DLGAP4: variants seen among roughly 807,000 people sequenced by gnomAD.
DLGAP4 encodes the protein DLG associated protein 4.
In DLGAP4, 18 loss-of-function variants were observed where a neutral mutation model predicts 86.9. That is an observed-to-expected ratio of 0.21 (90% confidence interval 0.14 to 0.31). DLGAP4 has a LOEUF of 0.31. Among genes scored for constraint, DLGAP4 ranks in the 10% least tolerant of loss-of-function variants. The pLI, the probability that DLGAP4 is intolerant of heterozygous loss-of-function variation, is 1.00. For missense variants in DLGAP4, 1,085 were observed against 1,362.6 expected, an observed-to-expected ratio of 0.80 and a Z score of 3.21; for synonymous variants, 548 against 574.3, an observed-to-expected ratio of 0.95 and a Z score of 0.65.
At chr20:36,517,339 C>T (rs1173857561) in intron 10 of DLGAP4, among the ~76,000 whole-genome samples, 1 of 152,154 alleles carries the variant, frequency 6.6e-6, no homozygotes, top group African/African-American at 2.4e-5. Flanking sequence ...GATTGCGCCA[C>T]TGCACTCCAG....
chr20:36,405,052 G>A (rs1250845005), intron 2 of DLGAP4, among the ~76,000 whole-genome samples: 1 of 152,252 alleles, frequency 6.6e-6, no homozygotes, highest in Non-Finnish European at 1.5e-5. Flanking sequence ...CAAATAGCCA[G>A]GAGGGAGTGT....
At chr20:36,493,642 G>A (rs2035761590) in intron 7 of DLGAP4, among the ~76,000 whole-genome samples, 1 of 152,170 alleles carries the variant, frequency 6.6e-6, no homozygotes, top group Non-Finnish European at 1.5e-5. Context: ...ATGAGTGAAG[G>A]CCCCAAACAC....
At chr20:36,508,026 C>G (rs760372899) in intron 10 of DLGAP4, 8 of 152,256 alleles carry the variant, frequency 5.3e-5, no homozygotes, top group Non-Finnish European at 8.8e-5. Context: ...TGTGTTGAAC[C>G]CTGAGGCTGC....
intron 7 of DLGAP4, among the ~76,000 whole-genome samples, chr20:36,461,111 G>A (rs1428554084): frequency 6.6e-6 from 1 of 152,104 alleles, no homozygotes; most frequent in African/African-American, 2.4e-5. Flanking sequence ...GAACTGGTGG[G>A]AACTCCCGCC....
intron 1 of DLGAP4, among the ~76,000 whole-genome samples, chr20:36,355,290 C>T: frequency 6.7e-6 from 1 of 149,130 alleles, no homozygotes. Context: ...TTTTTTCTTT[C>T]TTTCTTTCTT....
chr20:36,366,229 T>G (rs1236154821), intron 1 of DLGAP4, among the ~76,000 whole-genome samples: 1 of 152,028 alleles, frequency 6.6e-6, no homozygotes, highest in Non-Finnish European at 1.5e-5. Context: ...AAGCAGCTAA[T>G]TTTGTATTTT....
Position 36,527,716 on chromosome 20 carries a change from T to C in DLGAP4, c.*685T>C. 6.5e-6 allele frequency: 1 copy of C among 152,902 alleles called. No individual in the cohort carries two copies. The highest frequency in any genetic ancestry group is 1.5e-5 in the Non-Finnish European group (1 of 68,162). The allele number at this position is 152,902 out of a possible 1,614,324, so 9.5% of individuals were successfully genotyped here. On this transcript the variant is annotated 3_prime_UTR_variant, in exon 13 of 13. Transcript: ENST00000339266. ...AGCCCTGGGCAGTGTCAGGCAGGAC[T>C]CACTCACCGCTGAGCAGATGAGGGA...
intron 7 of DLGAP4, among the ~76,000 whole-genome samples, chr20:36,493,577 T>C (rs1341363603): frequency 1.3e-5 from 2 of 152,140 alleles, no homozygotes; most frequent in Non-Finnish European, 2.9e-5. Flanking sequence ...TTTTGGTTTG[T>C]TGTGCCCCTG....
intron 11 of DLGAP4, 96 bp downstream of exon 11, chr20:36,524,437 T>G (rs2037575846): frequency 9.9e-7 from 1 of 1,008,232 alleles, no homozygotes; most frequent in Admixed American, 2.4e-5. Flanking sequence ...CCCTCCTCTG[T>G]AACACACACA....
chr20:36,461,352 C>A, intron 7 of DLGAP4: 2 of 669,372 alleles, frequency 3.0e-6, no homozygotes, highest in Non-Finnish European at 3.7e-6. Flanking sequence ...GCCAAGCGGG[C>A]TGCGCGCGCC....
intron 7 of DLGAP4, among the ~76,000 whole-genome samples, chr20:36,447,785 G>T (rs1276383640): frequency 6.7e-6 from 1 of 150,278 alleles, no homozygotes; most frequent in Non-Finnish European, 1.5e-5. Flanking sequence ...AGGGGACCCT[G>T]TATAACTGAG....
At position 36,331,265 on chromosome 20, in the gene DLGAP4, C is replaced by T. The variant is rs117410631; in HGVS notation, c.-304+24753C>T. Among the ~76,000 whole-genome samples, 769 of 152,318 alleles carry T rather than the reference C, an allele frequency of 5.0e-3. 2 individuals are homozygous for T. Among genetic ancestry groups the T allele is most frequent in the Non-Finnish European group, 7.7e-3 (526 of 68,020 alleles). On this transcript the variant is annotated intron_variant, in intron 1 of 12. Coordinates refer to ENST00000339266, the MANE Select transcript of DLGAP4 (RefSeq NM_001365621.2). ...AGGGAGGACCCATGCTGTCAGAAAA[C>T]GAGGGGAAGAGTGTGAGAGGCCAGG...
At chr20:36,315,795 A>G (rs2065093848) in intron 1 of DLGAP4, among the ~76,000 whole-genome samples, 1 of 152,094 alleles carries the variant, frequency 6.6e-6, no homozygotes, top group Non-Finnish European at 1.5e-5. Flanking sequence ...ACCACTCCCC[A>G]AGCCTTCCCG....
intron 4 of DLGAP4, 33 bp downstream of exon 4, chr20:36,436,383 C>A: frequency 6.4e-7 from 1 of 1,554,218 alleles, no homozygotes. Context: ...ACGGTCCCGC[C>A]CAGAGGCAAG....
At chr20:36,470,627 C>A (rs1421818970) in intron 7 of DLGAP4, among the ~76,000 whole-genome samples, 1 of 151,592 alleles carries the variant, frequency 6.6e-6, no homozygotes, top group Non-Finnish European at 1.5e-5. Context: ...TACCCAGACA[C>A]CTAATCACTG....
At chr20:36,468,099 AG>A (rs2034498914) in intron 7 of DLGAP4, among the ~76,000 whole-genome samples, 1 of 152,242 alleles carries the variant, frequency 6.6e-6, no homozygotes, top group African/African-American at 2.4e-5. Flanking sequence ...CCTGAAGGTC[AG>A]GGTGCCAGTT....
intron 10 of DLGAP4, among the ~76,000 whole-genome samples, chr20:36,520,660 T>C (rs1448954956): frequency 6.6e-6 from 1 of 152,120 alleles, no homozygotes; most frequent in Admixed American, 6.6e-5. Context: ...TTCTTCATAG[T>C]GTCCTTCGAT....
chr20:36,419,326 T>G (rs889789671), intron 2 of DLGAP4, among the ~76,000 whole-genome samples: 2 of 151,786 alleles, frequency 1.3e-5, no homozygotes, highest in Admixed American at 1.3e-4. Flanking sequence ...GATGGGGTCC[T>G]CGTTATGTTG....
intron 7 of DLGAP4, among the ~76,000 whole-genome samples, chr20:36,453,115 G>A (rs1364735505): frequency 6.6e-6 from 1 of 152,200 alleles, no homozygotes; most frequent in African/African-American, 2.4e-5. Context: ...TTACAGGCGT[G>A]AGTCACCACG....
Sources: allele counts gnomAD v4.1 joint callset (sites outside exome capture counted in the v4.1 genomes callset), GRCh38; gene constraint gnomAD v4.1.1; transcripts MANE v1.5; gene names NCBI Gene and HGNC (gene_info 2026-07-23, HGNC 2026-07-21).